PPP6C: variants seen among roughly 807,000 people sequenced by gnomAD.
PPP6C encodes the protein protein phosphatase 6 catalytic subunit.
Under a neutral mutation model 39.8 loss-of-function variants are expected in PPP6C, and 11 were observed. That is an observed-to-expected ratio of 0.28 (90% CI 0.17 to 0.46). The LOEUF is 0.46. Among genes scored for constraint, PPP6C ranks in the 20% least tolerant of loss-of-function variants. The pLI is 1.00. For missense variants in PPP6C, 211 were observed against 373.9 expected (o/e 0.56, Z 3.59); for synonymous variants, 129 against 130.3 (o/e 0.99, Z 0.07).
chr9:125,173,345 G>T (rs533162481), intron 1 of PPP6C, among the ~76,000 whole-genome samples: 1 of 145,578 alleles, frequency 6.9e-6, no homozygotes, highest in South Asian at 2.2e-4. Context: ...GGCAAAGGTT[G>T]CAGTGAGCCG....
At chr9:125,177,113 G>A (rs546107908) in intron 1 of PPP6C, among the ~76,000 whole-genome samples, 46 of 152,280 alleles carry the variant, frequency 3.0e-4, no homozygotes, top group Non-Finnish European at 5.7e-4. Context: ...GGTGGCTCAC[G>A]CCTGTAATCC....
intron 1 of PPP6C, among the ~76,000 whole-genome samples, chr9:125,184,142 C>T (rs894515655): frequency 1.3e-5 from 2 of 152,106 alleles, no homozygotes; most frequent in African/African-American, 2.4e-5. Context: ...AATCCCTGCA[C>T]TTTGGGAGGC....
At chr9:125,181,662 A>G (rs1424306247) in intron 1 of PPP6C, among the ~76,000 whole-genome samples, 1 of 152,184 alleles carries the variant, frequency 6.6e-6, no homozygotes, top group South Asian at 2.1e-4. Context: ...AAAGTATTCC[A>G]TGGTGTATAT....
At chr9:125,188,514 G>A (rs978857647) in intron 1 of PPP6C, among the ~76,000 whole-genome samples, 1 of 152,062 alleles carries the variant, frequency 6.6e-6, no homozygotes, top group Non-Finnish European at 1.5e-5. Flanking sequence ...AGGCCGGCGC[G>A]GTGGCTCACG....
chr9:125,174,861 G>A lies in PPP6C; in HGVS notation c.76-3681C>T, dbSNP rs547587091. Among the ~76,000 whole-genome samples, 233 of 151,794 alleles carry A rather than the reference G, an allele frequency of 1.5e-3. 1 individual carries two copies. Among genetic ancestry groups the A allele is most frequent in the African/African-American group, 5.4e-3 (225 of 41,356 alleles). On this transcript the variant is annotated intron_variant, in intron 1 of 6. Coordinates refer to ENST00000373547, the MANE Select transcript of PPP6C (RefSeq NM_002721.5). ...TTGGAGGCAGAGGTTGCAGTGTGCC[G>A]AGATCGCGCCACTGCACTCCAGTCT...
intron 1 of PPP6C, among the ~76,000 whole-genome samples, chr9:125,177,227 A>G (rs1829319096): frequency 1.3e-5 from 2 of 151,960 alleles, no homozygotes; most frequent in Admixed American, 1.3e-4. Flanking sequence ...ACAAAAAATT[A>G]GCCGGGCGTG....
At position 125,166,535 on chromosome 9, in the gene PPP6C, C is replaced by CTTT. The variant is rs1169190980; in HGVS notation, c.171+4547_171+4549dup. Among the ~76,000 whole-genome samples the CTTT allele has an allele frequency of 3.8e-4, 51 of 134,438 alleles. No homozygotes were observed. The South Asian group carries it at 5.4e-3, about 14-fold the overall frequency. 88.2% of individuals were successfully genotyped at this position (134,438 alleles called of 152,430 possible). ...GAATTTCACAAGTATTTTTCTTTTT[C>CTTT]TTTTTTTTTTTTTTTTTAGCAGAGT... is the stretch of plus-strand genomic sequence containing the variant. On this transcript the variant is annotated intron_variant, in intron 2 of 6. Coordinates refer to ENST00000373547, the MANE Select transcript of PPP6C (RefSeq NM_002721.5).
intron 4 of PPP6C, among the ~76,000 whole-genome samples, chr9:125,157,681 CTCCT>C (rs1836113580): frequency 7.9e-6 from 1 of 126,834 alleles, no homozygotes; most frequent in African/African-American, 3.0e-5. Flanking sequence ...GCCCAGCATT[CTCCT>C]TTTTTTTTTG....
intron 2 of PPP6C, among the ~76,000 whole-genome samples, chr9:125,163,442 TG>T (rs1828934367): frequency 6.6e-6 from 1 of 152,230 alleles, no homozygotes; most frequent in African/African-American, 2.4e-5. Flanking sequence ...TGTTTTGTTT[TG>T]TTTTTTTGAG....
At chr9:125,171,241 A>T in intron 1 of PPP6C, 61 bp from the exon 2 acceptor site, 1 of 1,332,100 alleles carries the variant, frequency 7.5e-7, no homozygotes, top group Non-Finnish European at 1.0e-6. Flanking sequence ...AAGATAAAAT[A>T]CCAAAAAAGA....
chr9:125,184,211 C>T (rs1019201546), intron 1 of PPP6C, among the ~76,000 whole-genome samples: 2 of 151,946 alleles, frequency 1.3e-5, no homozygotes, highest in East Asian at 3.9e-4. Context: ...CACAGTGAAA[C>T]CCCATCTTTA....
intron 6 of PPP6C, chr9:125,150,896 C>A: frequency 1.1e-6 from 1 of 876,272 alleles, no homozygotes; most frequent in Non-Finnish European, 2.0e-6. Flanking sequence ...CTTCAGCGAG[C>A]CAGCTTACTG....
intron 1 of PPP6C, among the ~76,000 whole-genome samples, chr9:125,177,423 AC>A (rs1315161834): frequency 6.6e-6 from 1 of 151,164 alleles, no homozygotes; most frequent in African/African-American, 2.4e-5. Flanking sequence ...CCTGCTGGGC[AC>A]AGTGGCTCGC....
rs748147257 is a variant in PPP6C at position 125,160,872 on chromosome 9, C to A, written c.206G>T (p.Gly69Val). ...TATGTAGTTTGTGTCAGGAACCTGACCTCCAGTTCTGAACAGTTCACAAAG... is the reference window on the plus strand; with the variant it reads ...TATGTAGTTTGTGTCAGGAACCTGAACTCCAGTTCTGAACAGTTCACAAAG... ...YDLCELFRTG[G>V]QVPDTNYIFM... The change falls in exon 3 of 7, where the codon GGT becomes GTT. Residue 69 changes from glycine (G) to valine (V), a missense_variant. Physicochemically the swap from Gly to Val is moderately radical, Grantham distance 109 (BLOSUM62 -3). This residue lies in a region of PPP6C where 168 missense variants were observed against 342.6 expected (regional missense o/e 0.49). Coordinates refer to ENST00000373547, the MANE Select transcript of PPP6C (RefSeq NM_002721.5). 1.9e-6 allele frequency: 3 copies of A among 1,594,468 alleles called. No individual in the cohort carries two copies. Among genetic ancestry groups the A allele is most frequent in the Non-Finnish European group, 2.6e-6 (3 of 1,172,514 alleles).
chr9:125,146,865 G>A lies in PPP6C; in HGVS notation c.*2808C>T, dbSNP rs1346084483. On this transcript the variant is annotated 3_prime_UTR_variant, in exon 7 of 7. Coordinates refer to ENST00000373547, the MANE Select transcript of PPP6C (RefSeq NM_002721.5). ...GATTCTATTTCTGACAATGAAAGAG[G>A]CTCAGAAAGAGTCCTAATTTGCTTT... 6.6e-6 allele frequency: 1 copy of A among 152,176 alleles called. No homozygotes were observed. Among genetic ancestry groups the A allele is most frequent in the East Asian group, 1.9e-4 (1 of 5,196 alleles). 9.4% of individuals were successfully genotyped at this position (152,176 alleles called of 1,614,324 possible).
intron 4 of PPP6C, among the ~76,000 whole-genome samples, chr9:125,156,748 T>G (rs946121941): frequency 3.5e-4 from 46 of 130,936 alleles, no homozygotes; most frequent in South Asian, 4.8e-4. Context: ...AAGCTCGCTC[T>G]CTCTCTCTCT....
chr9:125,163,720 C>T (rs767174817), intron 2 of PPP6C, among the ~76,000 whole-genome samples: 3 of 151,894 alleles, frequency 2.0e-5, no homozygotes, highest in Non-Finnish European at 2.9e-5. Context: ...TGAGCCACTA[C>T]GCCTGGCCAG....
intron 4 of PPP6C, among the ~76,000 whole-genome samples, chr9:125,155,335 T>C (rs1211879734): frequency 6.6e-6 from 1 of 151,000 alleles, no homozygotes; most frequent in African/African-American, 2.4e-5. Context: ...AAGCTGAAAA[T>C]GATATAGGAA....
chr9:125,156,829 T>C (rs1227885989), intron 4 of PPP6C, among the ~76,000 whole-genome samples: 1 of 151,796 alleles, frequency 6.6e-6, no homozygotes, highest in Non-Finnish European at 1.5e-5. Context: ...TTTTCCTTTC[T>C]TGAGACAGAG....
Sources: allele counts gnomAD v4.1 joint callset (sites outside exome capture counted in the v4.1 genomes callset), GRCh38; gene constraint gnomAD v4.1.1; regional missense constraint gnomAD v4.1.1; transcripts MANE v1.5; gene names NCBI Gene and HGNC (gene_info 2026-07-23, HGNC 2026-07-21).